GALNT18: variants seen among roughly 807,000 people sequenced by gnomAD.
GALNT18 encodes the protein polypeptide N-acetylgalactosaminyltransferase 18.
In GALNT18, 44 loss-of-function variants were observed where a neutral mutation model predicts 69.5. The ratio of observed to expected loss-of-function variants is 0.63; its 90% confidence interval spans 0.50 to 0.81. The LOEUF is 0.81. Among genes scored for constraint, GALNT18 ranks in the 40% least tolerant of loss-of-function variants. The pLI, the probability that GALNT18 is intolerant of heterozygous loss-of-function variation, is 0.00. For synonymous variants in GALNT18, 364 were observed against 318.2 expected, an observed-to-expected ratio of 1.14 and a Z score of -1.53; for missense variants, 715 against 810.0, an observed-to-expected ratio of 0.88 and a Z score of 1.42.
At chr11:11,380,400 T>C (rs1215059386) in intron 3 of GALNT18, among the ~76,000 whole-genome samples, 1 of 152,234 alleles carries the variant, frequency 6.6e-6, no homozygotes, top group Non-Finnish European at 1.5e-5. Flanking sequence ...CTAATCATGT[T>C]GAACTTCCCT....
chr11:11,473,830 C>T (rs1009843031), intron 1 of GALNT18, among the ~76,000 whole-genome samples: 8 of 152,088 alleles, frequency 5.3e-5, no homozygotes, highest in South Asian at 2.1e-4. Context: ...TTTGTGAGGC[C>T]GAAGTGGGAA....
At position 11,621,821 on chromosome 11, in the gene GALNT18, AT is replaced by A. The variant is rs934498946; in HGVS notation, c.-229del. On this transcript the variant is annotated 5_prime_UTR_variant, in exon 1 of 11. Coordinates refer to ENST00000227756, the MANE Select transcript of GALNT18 (RefSeq NM_198516.3). This position sits in a 1 kb window ranked among gnomAD's most constrained non-coding sequence, Gnocchi z 9.3. ...GACCTTGACAAAGGAAACCAGGTGG[AT>A]TTTTTTCCAAATTAAAAATCCCTGA... 5.3e-6 allele frequency: 3 copies of A among 565,986 alleles called. No individual in the cohort carries two copies. The highest frequency in any genetic ancestry group is 1.9e-5 in the African/African-American group (1 of 53,076). The allele number at this position is 565,986 out of a possible 1,614,324, so 35.1% of individuals were successfully genotyped here.
chr11:11,467,883 G>A (rs960217091), intron 1 of GALNT18, among the ~76,000 whole-genome samples: 2 of 152,160 alleles, frequency 1.3e-5, no homozygotes, highest in East Asian at 3.9e-4. Context: ...ACTTCAGTGT[G>A]TATACAAGAA....
At chr11:11,359,848 T>A (rs1336961548) in intron 6 of GALNT18, among the ~76,000 whole-genome samples, 1 of 152,174 alleles carries the variant, frequency 6.6e-6, no homozygotes, top group African/African-American at 2.4e-5. Flanking sequence ...GTCAGGCTGG[T>A]TCTAATCTTG....
chr11:11,374,208 C>T (rs1206200014), intron 5 of GALNT18, among the ~76,000 whole-genome samples: 7 of 152,160 alleles, frequency 4.6e-5, no homozygotes, highest in African/African-American at 7.2e-5. Context: ...CCCAGGCCTT[C>T]GAGGTAGTCT....
intron 6 of GALNT18, among the ~76,000 whole-genome samples, chr11:11,370,308 G>A (rs1198200929): frequency 6.6e-6 from 1 of 152,188 alleles, no homozygotes; most frequent in Non-Finnish European, 1.5e-5. Flanking sequence ...TAGGGCAAGT[G>A]TGCTGCTTTA....
At chr11:11,364,671 G>A (rs992521380) in intron 6 of GALNT18, among the ~76,000 whole-genome samples, 2 of 152,176 alleles carry the variant, frequency 1.3e-5, no homozygotes, top group African/African-American at 4.8e-5. Flanking sequence ...AAACTTATGA[G>A]AGAATTAGAA....
At chr11:11,576,849 T>C (rs889670723) in intron 1 of GALNT18, among the ~76,000 whole-genome samples, 3 of 152,256 alleles carry the variant, frequency 2.0e-5, no homozygotes, top group Non-Finnish European at 4.4e-5. Flanking sequence ...TTCTCTCCTT[T>C]GGCCATGGCC....
At chr11:11,409,535 T>TC (rs1854679137) in intron 3 of GALNT18, among the ~76,000 whole-genome samples, 1 of 151,944 alleles carries the variant, frequency 6.6e-6, no homozygotes, top group South Asian at 2.1e-4. Context: ...GGACCCCGGT[T>TC]CCCCAAAGTG....
intron 3 of GALNT18, among the ~76,000 whole-genome samples, chr11:11,425,439 G>A (rs76373233): frequency 0.021 from 3,204 of 152,284 alleles, 119 homozygotes; most frequent in African/African-American, 0.072. Flanking sequence ...CATCTCCAGG[G>A]TATGGGATTC....
At chr11:11,567,341 TACTA>T (rs887565882) in intron 1 of GALNT18, among the ~76,000 whole-genome samples, 5 of 152,134 alleles carry the variant, frequency 3.3e-5, no homozygotes, top group Non-Finnish European at 1.5e-5. Flanking sequence ...CCATCAAAAA[TACTA>T]ACACCTCCAT....
chr11:11,580,420 G>T (rs1859048741), intron 1 of GALNT18, among the ~76,000 whole-genome samples: 1 of 152,146 alleles, frequency 6.6e-6, no homozygotes, highest in South Asian at 2.1e-4. Context: ...GGCTTCTCAT[G>T]TTTCCCGGCT....
rs189652094 is a variant in GALNT18 at position 11,409,379 on chromosome 11, C to T, written c.595+23242G>A. Reference sequence around the variant, plus strand: ...GCCCAGCAGGTCCCAGAATCAAAGCCGCCTCTGCTCTCTGCACAGTCTGGT... The same window carrying T: ...GCCCAGCAGGTCCCAGAATCAAAGCTGCCTCTGCTCTCTGCACAGTCTGGT... On this transcript the variant is annotated intron_variant, in intron 3 of 10. Transcript: ENST00000227756. 1.1e-4 allele frequency among the ~76,000 whole-genome samples: 16 copies of T among 152,250 alleles called. No individual in the cohort carries two copies. In the East Asian group the frequency reaches 1.9e-3, roughly 18 times the overall value.
rs144947516 is a variant in GALNT18 at position 11,512,479 on chromosome 11, G to A, written c.236-63543C>T. Among the ~76,000 whole-genome samples the A allele has an allele frequency of 1.3e-4, 20 of 152,300 alleles. No individual in the cohort carries two copies. In the East Asian group the frequency reaches 3.5e-3, roughly 26 times the overall value. On this transcript the variant is annotated intron_variant, in intron 1 of 10. Transcript: ENST00000227756. ...GTGGAAATTCTTTATTCTGAGTGCG[G>A]CAAAGAATTAGGAACAAGATGTGAA...
intron 3 of GALNT18, among the ~76,000 whole-genome samples, chr11:11,418,519 T>C (rs1240843262): frequency 2.6e-5 from 4 of 152,202 alleles, no homozygotes; most frequent in African/African-American, 9.6e-5. Context: ...TGCCAGCTTT[T>C]CCAGGAAGCC....
In GALNT18 at chr11:11,511,810, A is replaced by T. The variant is rs1857171248; in HGVS notation, c.236-62874T>A. Among the ~76,000 whole-genome samples, 1 of 152,150 alleles carries T rather than the reference A, an allele frequency of 6.6e-6. No homozygotes were observed. Among genetic ancestry groups the T allele is most frequent in the African/African-American group, 2.4e-5 (1 of 41,430 alleles). On this transcript the variant is annotated intron_variant, in intron 1 of 10. Coordinates refer to ENST00000227756, the MANE Select transcript of GALNT18 (RefSeq NM_198516.3). This position sits in a 1 kb window ranked among gnomAD's most constrained non-coding sequence, Gnocchi z 4.9. ...ATGAGAAGTTGGCAGTAAACAACCCAGAAGAGGGCCCTCACCAGACCCGGA... is the reference window on the plus strand; with the variant it reads ...ATGAGAAGTTGGCAGTAAACAACCCTGAAGAGGGCCCTCACCAGACCCGGA...
intron 6 of GALNT18, among the ~76,000 whole-genome samples, chr11:11,348,989 T>C (rs1207858988): frequency 6.6e-6 from 1 of 152,038 alleles, no homozygotes; most frequent in Non-Finnish European, 1.5e-5. Flanking sequence ...TCTGAGTGCT[T>C]TTCCTTACCC....
chr11:11,365,944 C>T (rs1450791279), intron 6 of GALNT18, among the ~76,000 whole-genome samples: 1 of 152,166 alleles, frequency 6.6e-6, no homozygotes, highest in Non-Finnish European at 1.5e-5. Flanking sequence ...AAGGTATGTA[C>T]ATAAACCTAG....
Position 11,377,580 on chromosome 11 carries a change from C to G in GALNT18, c.780-201G>C, listed in dbSNP as rs867972377. Among the ~76,000 whole-genome samples, 1 of 151,936 alleles carries G rather than the reference C, an allele frequency of 6.6e-6. No individual in the cohort carries two copies. The highest frequency in any genetic ancestry group is 2.1e-4 in the South Asian group (1 of 4,818). On this transcript the variant is annotated intron_variant, in intron 4 of 10. Coordinates refer to ENST00000227756, the MANE Select transcript of GALNT18 (RefSeq NM_198516.3). The surrounding 1 kb of genome is among the most constrained non-coding windows in gnomAD (Gnocchi z 4.6). ...TGAGGATTGCCGGAATGGCAAGAGGCTGCACCACTCCATTGGCATATCCAG... is the reference window on the plus strand; with the variant it reads ...TGAGGATTGCCGGAATGGCAAGAGGGTGCACCACTCCATTGGCATATCCAG...
Sources: gnomAD v4.1 joint callset for allele counts (sites outside exome capture counted in the v4.1 genomes callset) on GRCh38, gnomAD v4.1.1 for gene constraint, Gnocchi (gnomAD v3.1) non-coding constraint, MANE v1.5 for transcripts, NCBI Gene and HGNC (gene_info 2026-07-23, HGNC 2026-07-21) for gene names.